The following C17orf78 variants were observed in gnomAD, a reference collection of about 807,000 sequenced individuals.
C17orf78 encodes uncharacterized protein C17orf78.
Under a neutral mutation model 31.8 loss-of-function variants are expected in C17orf78, and 27 were observed. The ratio of observed to expected loss-of-function variants is 0.85; its 90% CI spans 0.63 to 1.17. The LOEUF (loss-of-function observed/expected upper bound fraction) is 1.17. C17orf78 is among the 50% of genes most tolerant of loss of function. The pLI, the probability that C17orf78 is intolerant of heterozygous loss-of-function variation, is 0.00. For synonymous variants in C17orf78, 106 were observed against 115.1 expected (o/e 0.92, Z 0.51); for missense variants, 258 against 315.2 (o/e 0.82, Z 1.37).
At chr17:37,385,406 G>A (rs2050482616) in intron 3 of C17orf78, among the ~76,000 whole-genome samples, 1 of 152,108 alleles carries the variant, frequency 6.6e-6, no homozygotes, top group Non-Finnish European at 1.5e-5. Context: ...CTGGGAGGCA[G>A]AGGTTGCAGT....
At chr17:37,380,479 T>C (rs1401201434) in intron 3 of C17orf78, among the ~76,000 whole-genome samples, 1 of 152,160 alleles carries the variant, frequency 6.6e-6, no homozygotes, top group African/African-American at 2.4e-5. Context: ...CAAATCTACG[T>C]GCTCTCTGAG....
Position 37,388,779 on chromosome 17 carries a change from TG to T in C17orf78, c.619del (p.Glu207LysfsTer9). 1 of 1,613,292 alleles carries T rather than the reference TG, an allele frequency of 6.2e-7. No homozygotes were observed. The highest frequency in any genetic ancestry group is 8.5e-7 in the Non-Finnish European group (1 of 1,179,638). ...GVAIIVFVIF[E>X]VPCPYQCLGA... ...TTGCCATTATAGTATTTGTAATTTT[TG>T]AAGTCCCATGTCCTGTAAGTTTGCT... On this transcript the variant is annotated frameshift_variant, in exon 5 of 7. Coordinates refer to ENST00000615133, the MANE Select transcript of C17orf78 (RefSeq NM_173625.5). LOFTEE classifies it high-confidence loss of function.
Position 37,391,787 on chromosome 17 carries a change from C to G in C17orf78, c.*63C>G. On this transcript the variant is annotated 3_prime_UTR_variant, in exon 7 of 7. Coordinates refer to ENST00000615133, the MANE Select transcript of C17orf78 (RefSeq NM_173625.5). ...ACAGTCCTCTCCCTATTAATATGGG[C>G]ACATTCTTGCCAATTTCACACTTGT... 1 of 1,383,162 alleles carries G rather than the reference C, an allele frequency of 7.2e-7. No homozygotes were observed. Among genetic ancestry groups the G allele is most frequent in the Non-Finnish European group, 1.0e-6 (1 of 976,230 alleles). 85.7% of individuals were successfully genotyped at this position (1,383,162 alleles called of 1,614,324 possible).
chr17:37,387,988 CTCTG>C (rs914874599), intron 4 of C17orf78: 2 of 152,090 alleles, frequency 1.3e-5, no homozygotes, highest in African/African-American at 4.8e-5. Context: ...TATAATGAGA[CTCTG>C]TCTGTATAAA....
In C17orf78 at chr17:37,376,050, A is replaced by G. The variant is rs758254610; in HGVS notation, c.-43A>G. ...GCAGAGCTATCAAGGGCTGTGACAG[A>G]TGAGCAGTGGTCTGTCTGCAATGAG... On this transcript the variant is annotated 5_prime_UTR_variant, in exon 1 of 7. It removes an upstream start codon present in the reference 5' UTR. Transcript: ENST00000615133. The G allele has an allele frequency of 5.2e-6, 8 of 1,551,188 alleles. No individual in the cohort carries two copies. The Admixed American group carries it at 1.3e-4, about 26-fold the overall frequency.
At chr17:37,386,625 G>A (rs1213047288) in intron 4 of C17orf78, among the ~76,000 whole-genome samples, 3 of 152,026 alleles carry the variant, frequency 2.0e-5, no homozygotes, top group South Asian at 2.1e-4. Flanking sequence ...CTCTATAAAG[G>A]TCCCAGAAAT....
chr17:37,390,330 A>ATATATCTATATC (rs1386032855), intron 6 of C17orf78, among the ~76,000 whole-genome samples: 1 of 41,582 alleles, frequency 2.4e-5, no homozygotes, highest in Non-Finnish European at 3.7e-5. Flanking sequence ...ATATATATAT[A>ATATATCTATATC]TATAAAAGGC....
At chr17:37,387,254 A>C (rs1442438122) in intron 4 of C17orf78, 1 of 147,374 alleles carries the variant, frequency 6.8e-6, no homozygotes, top group Non-Finnish European at 1.5e-5. Flanking sequence ...TGAGTAGCTG[A>C]GATTACAGGC....
Position 37,381,861 on chromosome 17 carries a change from T to TCA in C17orf78, c.391+2479_391+2480insCA, listed in dbSNP as rs1442901548. On this transcript the variant is annotated intron_variant, in intron 3 of 6. Coordinates refer to ENST00000615133, the MANE Select transcript of C17orf78 (RefSeq NM_173625.5). ...CCAGGATGGTCTCGATCGCCTGACC[T>TCA]TGTGATCTGCCCGCCTTGGCCTCCC... Among the ~76,000 whole-genome samples the TCA allele has an allele frequency of 1.5e-3, 221 of 150,624 alleles. 1 individual carries two copies. Among genetic ancestry groups the TCA allele is most frequent in the African/African-American group, 4.6e-3 (187 of 40,470 alleles).
At chr17:37,384,471 T>C (rs1271870908) in intron 3 of C17orf78, among the ~76,000 whole-genome samples, 1 of 152,232 alleles carries the variant, frequency 6.6e-6, no homozygotes, top group Non-Finnish European at 1.5e-5. Flanking sequence ...TTTACACACA[T>C]GCTTTCTCAT....
chr17:37,376,814 G>A (rs906336794), intron 1 of C17orf78, among the ~76,000 whole-genome samples: 10 of 152,052 alleles, frequency 6.6e-5, no homozygotes, highest in Admixed American at 5.9e-4. Context: ...AATTAGCCAG[G>A]CATGGTGGCA....
Position 37,379,221 on chromosome 17 carries a change from T to G in C17orf78, c.230T>G (p.Val77Gly), listed in dbSNP as rs2050138044. 3.7e-6 allele frequency: 6 copies of G among 1,613,996 alleles called. No individual in the cohort carries two copies. Among genetic ancestry groups the G allele is most frequent in the Non-Finnish European group, 5.1e-6 (6 of 1,179,900 alleles). The change falls in exon 3 of 7, where the codon GTA becomes GGA. Residue 77 changes from valine (V) to glycine (G), a missense_variant. By Grantham distance (109) the Val-to-Gly change is moderately radical (BLOSUM62 -3). Transcript: ENST00000615133. ...TLQCLGSDSKVKVNLVYLERR... is the reference protein window; with the variant it reads ...TLQCLGSDSKGKVNLVYLERR... ...CAGTGCCTTGGCTCTGACAGCAAAGTAAAAGTCAACCTTGTATATTTGGAG... is the reference window on the plus strand; with the variant it reads ...CAGTGCCTTGGCTCTGACAGCAAAGGAAAAGTCAACCTTGTATATTTGGAG...
chr17:37,377,899 C>G lies in C17orf78; in HGVS notation c.79C>G (p.Arg27Gly). The G allele has an allele frequency of 6.2e-7, 1 of 1,613,490 alleles. No homozygotes were observed. Among genetic ancestry groups the G allele is most frequent in the Non-Finnish European group, 8.5e-7 (1 of 1,179,724 alleles). The part of the protein sequence containing the change: ...NKKDLRDSSC[R>G]LEQLPGIFPK... ...CCCAGACCTCAGAGATAGCAGTTGC[C>G]GACTGGAACAGCTGCCTGGGATCTT... Residue 27 changes from arginine (R) to glycine (G), a missense_variant, in exon 2 of 7, where the codon CGA (arginine) becomes GGA (glycine). Arg to Gly is a moderately radical substitution (Grantham distance 125). Transcript: ENST00000615133.
chr17:37,379,018 G>A (rs1476009401), intron 2 of C17orf78, 119 bp from the exon 3 acceptor site: 2 of 1,231,006 alleles, frequency 1.6e-6, no homozygotes, highest in African/African-American at 3.1e-5. Context: ...GCTGGAGTGA[G>A]CCATGATTGC....
intron 3 of C17orf78, among the ~76,000 whole-genome samples, chr17:37,385,426 T>A (rs1382046711): frequency 6.6e-6 from 1 of 151,820 alleles, no homozygotes; most frequent in Non-Finnish European, 1.5e-5. Flanking sequence ...TGAGCTGAGA[T>A]CACACCATTG....
chr17:37,390,161 T>C (rs1239837816), intron 6 of C17orf78, among the ~76,000 whole-genome samples: 5 of 37,268 alleles, frequency 1.3e-4, no homozygotes, highest in East Asian at 8.3e-3. Context: ...TATATATATA[T>C]ATATATATAT....
chr17:37,384,977 T>C (rs1383760719), intron 3 of C17orf78, among the ~76,000 whole-genome samples: 1 of 152,228 alleles, frequency 6.6e-6, no homozygotes, highest in African/African-American at 2.4e-5. Context: ...ACTGTCTGAA[T>C]TGGATTAGGT....
chr17:37,390,304 T>TTTTATATATATA (rs1201500381), intron 6 of C17orf78, among the ~76,000 whole-genome samples: 3 of 17,988 alleles, frequency 1.7e-4, no homozygotes, highest in African/African-American at 1.1e-3. Flanking sequence ...TTATACATAA[T>TTTTATATATATA]TATATATATA....
chr17:37,391,704 A>C lies in C17orf78; in HGVS notation c.808A>C (p.Ile270Leu). Residue 270 changes from isoleucine to leucine, a missense_variant, in exon 7 of 7, where the codon ATC (isoleucine) becomes CTC (leucine). Ile to Leu is a conservative substitution (Grantham distance 5). Transcript: ENST00000615133. ...AAAGAAAGCTGCAGAGATCACTGTT[A>C]TCCACCAGACATACTTCTGAAAAGT... is the stretch of plus-strand genomic sequence containing the variant. The part of the protein sequence containing the change: ...NPKKAAEITV[I>L]HQTYF 1.2e-6 allele frequency: 2 copies of C among 1,613,840 alleles called. No individual in the cohort carries two copies. The highest frequency in any genetic ancestry group is 4.5e-5 in the East Asian group (2 of 44,878).
Sources: gnomAD v4.1 joint callset for allele counts (sites outside exome capture counted in the v4.1 genomes callset) on GRCh38, gnomAD v4.1.1 for gene constraint, MANE v1.5 for transcripts, NCBI Gene and HGNC (gene_info 2026-07-23, HGNC 2026-07-21) for gene names.